EIF3H: variants seen among roughly 807,000 people sequenced by gnomAD.
EIF3H encodes eukaryotic translation initiation factor 3 subunit H, also known as eIF-3-gamma.
EIF3H carries 26 observed loss-of-function variants against 44.2 expected under a neutral mutation model. The observed-to-expected ratio is 0.59, with a 90% confidence interval of 0.43 to 0.82. EIF3H has a LOEUF of 0.82. Ranked by LOEUF, EIF3H falls within the 40% of genes least tolerant of loss-of-function variation. EIF3H has a pLI of 0.00. For missense variants in EIF3H, 359 were observed against 432.8 expected (o/e 0.83, Z 1.51); for synonymous variants, 166 against 151.9 (o/e 1.09, Z -0.68).
chr8:116,743,785 T>C (rs1253528954), intron 1 of EIF3H, among the ~76,000 whole-genome samples: 2,128 of 92,736 alleles, frequency 0.023, 93 homozygotes, highest in African/African-American at 0.086. Flanking sequence ...TATATATATA[T>C]ATATATATAT....
chr8:116,699,803 G>GTT lies in EIF3H; in HGVS notation c.289+26211_289+26212dup, dbSNP rs11390402. Among the ~76,000 whole-genome samples, 8 of 151,520 alleles carry GTT rather than the reference G, an allele frequency of 5.3e-5. No individual in the cohort carries two copies. In the East Asian group the frequency reaches 9.7e-4, roughly 18 times the overall value. ...GGCAAATGACAGTGCAGGTTTTTTG[G>GTT]TTTTTTTTGTTTGTTTGTTTGTTTG... On this transcript the variant is annotated intron_variant, in intron 2 of 7. Transcript: ENST00000521861.
intron 2 of EIF3H, among the ~76,000 whole-genome samples, chr8:116,662,396 T>C (rs1813598604): frequency 6.6e-6 from 1 of 152,170 alleles, no homozygotes; most frequent in African/African-American, 2.4e-5. Context: ...AGAGGCCCAG[T>C]TCTCACCATG....
At chr8:116,732,221 TA>T (rs879531465) in intron 1 of EIF3H, among the ~76,000 whole-genome samples, 72 of 146,622 alleles carry the variant, frequency 4.9e-4, no homozygotes, top group African/African-American at 6.5e-4. Context: ...TGTCTGGCTT[TA>T]AAAAAAAAAA....
rs1164534455 is a variant in EIF3H, at chr8:116,642,520, A to G, written c.*2486T>C. 6.6e-6 allele frequency: 1 copy of G among 152,108 alleles called. No individual in the cohort carries two copies. Among genetic ancestry groups the G allele is most frequent in the Non-Finnish European group, 1.5e-5 (1 of 68,022 alleles). The allele number at this position is 152,108 out of a possible 1,614,324, so 9.4% of individuals were successfully genotyped here. A position where few individuals can be genotyped will look rare whatever the true frequency, so the allele number is the denominator to read the frequency against. On this transcript the variant is annotated 3_prime_UTR_variant, in exon 8 of 8. Coordinates refer to ENST00000521861, the MANE Select transcript of EIF3H (RefSeq NM_003756.3). ...AGAATAATGTTATGATTATTAGATT[A>G]TTATCAATGATTAGAAAGTTAATGT...
At chr8:116,733,193 G>C (rs13258789) in intron 1 of EIF3H, among the ~76,000 whole-genome samples, 83,889 of 152,078 alleles carry the variant, frequency 0.55, 24,883 homozygotes, top group Non-Finnish European at 0.67. Flanking sequence ...AAAGCCAGAT[G>C]AAGAGATGCA....
At chr8:116,717,966 T>A (rs1322437112) in intron 2 of EIF3H, among the ~76,000 whole-genome samples, 1 of 151,448 alleles carries the variant, frequency 6.6e-6, no homozygotes, top group Non-Finnish European at 1.5e-5. Flanking sequence ...CAACCCAGAG[T>A]GGGAGAAAAT....
chr8:116,659,107 G>T, intron 2 of EIF3H, 127 bp from the exon 3 acceptor site: 1 of 768,476 alleles, frequency 1.3e-6, no homozygotes, highest in Non-Finnish European at 2.0e-6. Flanking sequence ...CAGGATTCCA[G>T]ATTTAAAATT....
chr8:116,732,466 A>G (rs1026057317), intron 1 of EIF3H, among the ~76,000 whole-genome samples: 4 of 152,226 alleles, frequency 2.6e-5, no homozygotes, highest in African/African-American at 7.2e-5. Flanking sequence ...TATCAAAATC[A>G]TATCAAAGAC....
intron 2 of EIF3H, among the ~76,000 whole-genome samples, chr8:116,703,306 T>C (rs1027499378): frequency 3.3e-5 from 5 of 152,044 alleles, no homozygotes; most frequent in African/African-American, 1.2e-4. Context: ...CCTGGTCTAG[T>C]GGTAATGCCA....
chr8:116,720,273 T>G (rs917569229), intron 2 of EIF3H, among the ~76,000 whole-genome samples: 3 of 152,182 alleles, frequency 2.0e-5, no homozygotes, highest in African/African-American at 2.4e-5. Context: ...TTTAAAAACT[T>G]CAATTGTTGT....
At chr8:116,662,905 G>T (rs758578590) in intron 2 of EIF3H, among the ~76,000 whole-genome samples, 7 of 152,172 alleles carry the variant, frequency 4.6e-5, no homozygotes, top group African/African-American at 1.7e-4. Flanking sequence ...CAATCTCCTG[G>T]ATGAACACCC....
chr8:116,680,778 AC>A (rs1813971318), intron 2 of EIF3H, among the ~76,000 whole-genome samples: 1 of 147,538 alleles, frequency 6.8e-6, no homozygotes, highest in South Asian at 2.2e-4. Context: ...TTGTCCTATG[AC>A]CCTGCCAAAT....
intron 2 of EIF3H, among the ~76,000 whole-genome samples, chr8:116,677,625 TTCAA>T (rs1290216925): frequency 6.6e-6 from 1 of 152,328 alleles, no homozygotes; most frequent in East Asian, 1.9e-4. Flanking sequence ...CCTATTACAC[TTCAA>T]TCAATAAACC....
chr8:116,645,921 T>C (rs1036809505), intron 7 of EIF3H, among the ~76,000 whole-genome samples: 1 of 152,214 alleles, frequency 6.6e-6, no homozygotes, highest in African/African-American at 2.4e-5. Context: ...TATAAGATTA[T>C]AGCCAAATAA....
At chr8:116,674,970 C>T (rs1374287504) in intron 2 of EIF3H, among the ~76,000 whole-genome samples, 1 of 152,144 alleles carries the variant, frequency 6.6e-6, no homozygotes, top group African/African-American at 2.4e-5. Context: ...CAAAGTGCTA[C>T]TTTGAACACT....
rs1462069218 is a variant in EIF3H at position 116,744,752 on chromosome 8, T to C, written c.132+10914A>G. 3.9e-5 allele frequency among the ~76,000 whole-genome samples: 6 copies of C among 152,224 alleles called. No homozygotes were observed. The East Asian group carries it at 1.2e-3, about 29-fold the overall frequency. ...ATATTTTACGAAAAACATTATAAACTAATTTTGAAAAGAAAGCAAATGCAA... is the reference window on the plus strand; with the variant it reads ...ATATTTTACGAAAAACATTATAAACCAATTTTGAAAAGAAAGCAAATGCAA... On this transcript the variant is annotated intron_variant, in intron 1 of 7. Transcript: ENST00000521861.
intron 2 of EIF3H, among the ~76,000 whole-genome samples, chr8:116,715,986 A>G (rs946608083): frequency 1.3e-5 from 2 of 152,108 alleles, no homozygotes; most frequent in Admixed American, 6.6e-5. Flanking sequence ...AAAGTTTATG[A>G]AGACTGAATC....
chr8:116,657,255 G>C lies in EIF3H; in HGVS notation c.517C>G (p.Leu173Val), dbSNP rs762949497. The C allele has an allele frequency of 1.2e-6, 2 of 1,613,774 alleles. No individual in the cohort carries two copies. Among genetic ancestry groups the C allele is most frequent in the South Asian group, 2.2e-5 (2 of 91,078 alleles). The change falls in exon 4 of 8, where the codon CTG (leucine) becomes GTG (valine). Residue 173 changes from leucine to valine, a missense_variant. Leu to Val is a conservative substitution (Grantham distance 32). Around this residue, in one of 5 missense-constraint regions of EIF3H, gnomAD observed 85 missense variants for 79.2 expected, o/e 1.07. Transcript: ENST00000521861. ...SLKAYRLTPKLMEVCKEKDFS... is the reference protein window; with the variant it reads ...SLKAYRLTPKVMEVCKEKDFS... ...TCCTTTTCTTTACAAACTTCCATCA[G>C]TTTAGGAGTCAGTCTGTATGCCTTT...
At chr8:116,698,681 C>T (rs765279996) in intron 2 of EIF3H, among the ~76,000 whole-genome samples, 1 of 152,192 alleles carries the variant, frequency 6.6e-6, no homozygotes, top group Non-Finnish European at 1.5e-5. Flanking sequence ...GGCATCCTTG[C>T]CCATGCCATA....
Sources: allele counts gnomAD v4.1 joint callset (sites outside exome capture counted in the v4.1 genomes callset), GRCh38; gene constraint gnomAD v4.1.1; regional missense constraint gnomAD v4.1.1; transcripts MANE v1.5; gene names NCBI Gene and HGNC (gene_info 2026-07-23, HGNC 2026-07-21).